FOXN2: variants seen among roughly 807,000 people sequenced by gnomAD.
The protein encoded by FOXN2 is forkhead box N2, also known as forkhead box protein N2.
FOXN2 carries 19 observed loss-of-function variants against 41.2 expected under a neutral mutation model. That is an observed-to-expected ratio of 0.46 (90% CI 0.32 to 0.68). The LOEUF is 0.68. FOXN2 is among the 30% of genes least tolerant of loss of function. FOXN2 has a pLI of 0.03. For synonymous variants in FOXN2, 195 were observed against 176.8 expected (o/e 1.10, Z -0.82); for missense variants, 587 against 509.4 (o/e 1.15, Z -1.47).
intron 6 of FOXN2, among the ~76,000 whole-genome samples, chr2:48,374,495 G>A (rs1461929337): frequency 6.6e-6 from 1 of 152,104 alleles, no homozygotes; most frequent in Admixed American, 6.6e-5. Context: ...AATTTTAAAT[G>A]TATATATCCC....
intron 3 of FOXN2, 49 bp from the exon 4 acceptor site, chr2:48,358,998 A>G (rs368037006): frequency 6.8e-5 from 93 of 1,366,528 alleles, no homozygotes; most frequent in Non-Finnish European, 1.4e-5. Context: ...TTAGACGCTG[A>G]CTGTTTATGT....
At chr2:48,374,056 T>G (rs1673078553) in intron 6 of FOXN2, among the ~76,000 whole-genome samples, 1 of 149,632 alleles carries the variant, frequency 6.7e-6, no homozygotes. Flanking sequence ...AGGGACAGAG[T>G]GAGACTCTGT....
intron 5 of FOXN2, among the ~76,000 whole-genome samples, chr2:48,366,232 G>A (rs548988505): frequency 5.9e-5 from 9 of 152,032 alleles, no homozygotes; most frequent in Admixed American, 5.9e-4. Context: ...GTTGGCACAC[G>A]CCTGTAATTC....
chr2:48,343,533 A>T (rs1211019656), intron 2 of FOXN2, among the ~76,000 whole-genome samples: 1 of 152,168 alleles, frequency 6.6e-6, no homozygotes, highest in East Asian at 1.9e-4. Flanking sequence ...CTGAGGCAGG[A>T]GGATTGCTTG....
At chr2:48,350,011 G>C (rs936684878) in intron 3 of FOXN2, among the ~76,000 whole-genome samples, 1 of 152,210 alleles carries the variant, frequency 6.6e-6, no homozygotes, top group African/African-American at 2.4e-5. Flanking sequence ...GCCTCCATCT[G>C]GTGCTCCAGA....
chr2:48,325,552 G>A (rs1034243610), intron 1 of FOXN2, among the ~76,000 whole-genome samples: 2 of 152,106 alleles, frequency 1.3e-5, no homozygotes, highest in Non-Finnish European at 2.9e-5. Context: ...TTGAATTTCA[G>A]TTTTGATTAG....
At chr2:48,347,469 C>T (rs1671184902) in intron 3 of FOXN2, among the ~76,000 whole-genome samples, 1 of 151,818 alleles carries the variant, frequency 6.6e-6, no homozygotes, top group South Asian at 2.1e-4. Context: ...CCTCAAGTAC[C>T]ACCCACCTTG....
At chr2:48,328,836 T>C (rs1669846831) in intron 2 of FOXN2, 134 bp downstream of exon 2, 1 of 152,222 alleles carries the variant, frequency 6.6e-6, no homozygotes, top group Non-Finnish European at 1.5e-5. Context: ...AGATGGGTTT[T>C]CTAAGTCAGA....
chr2:48,359,484 C>T (rs921428741), intron 4 of FOXN2, among the ~76,000 whole-genome samples: 14 of 151,740 alleles, frequency 9.2e-5, no homozygotes, highest in African/African-American at 2.2e-4. Context: ...AGTAGAGACA[C>T]GGTTTCACCA....
intron 5 of FOXN2, among the ~76,000 whole-genome samples, chr2:48,368,614 C>A (rs1672682712): frequency 1.3e-5 from 2 of 152,154 alleles, no homozygotes; most frequent in African/African-American, 4.8e-5. Flanking sequence ...ATCACTTGAA[C>A]CTGGGAGGTG....
At chr2:48,316,229 G>A (rs1177572438) in intron 1 of FOXN2, among the ~76,000 whole-genome samples, 1 of 152,058 alleles carries the variant, frequency 6.6e-6, no homozygotes, top group African/African-American at 2.4e-5. Context: ...GGTGTATACC[G>A]ACGTTTTTTG....
intron 1 of FOXN2, among the ~76,000 whole-genome samples, chr2:48,327,139 CT>C (rs1374787438): frequency 6.6e-6 from 1 of 151,910 alleles, no homozygotes; most frequent in African/African-American, 2.4e-5. Context: ...AATGCCTGTC[CT>C]ACTTGGATAT....
intron 2 of FOXN2, among the ~76,000 whole-genome samples, chr2:48,335,911 C>G (rs1045859192): frequency 1.2e-4 from 18 of 151,792 alleles, no homozygotes; most frequent in African/African-American, 4.4e-4. Flanking sequence ...GCCTATAGTC[C>G]CAGCTCCTCG....
chr2:48,349,021 T>C (rs1671285563), intron 3 of FOXN2, among the ~76,000 whole-genome samples: 1 of 152,216 alleles, frequency 6.6e-6, no homozygotes, highest in Non-Finnish European at 1.5e-5. Flanking sequence ...TGTGAGTCTT[T>C]CTGTGCCTCC....
intron 5 of FOXN2, among the ~76,000 whole-genome samples, chr2:48,367,780 C>T (rs955152509): frequency 1.3e-5 from 2 of 152,152 alleles, no homozygotes; most frequent in South Asian, 4.1e-4. Flanking sequence ...AATCATTTCC[C>T]AACATCAAGG....
At chr2:48,364,779 A>G (rs986326030) in intron 5 of FOXN2, among the ~76,000 whole-genome samples, 1 of 152,272 alleles carries the variant, frequency 6.6e-6, no homozygotes, top group African/African-American at 2.4e-5. Flanking sequence ...AAATAACAAT[A>G]AAATTTCAAG....
At chr2:48,358,341 A>G (rs1671944018) in intron 3 of FOXN2, among the ~76,000 whole-genome samples, 2 of 152,100 alleles carry the variant, frequency 1.3e-5, no homozygotes, top group Admixed American at 6.6e-5. Context: ...TCTTATTTGA[A>G]TCTCATTACA....
chr2:48,363,361 G>C (rs1037045679), intron 5 of FOXN2, among the ~76,000 whole-genome samples: 1 of 151,470 alleles, frequency 6.6e-6, no homozygotes, highest in African/African-American at 2.4e-5. Flanking sequence ...TATTACAAAA[G>C]AGTAAAAATT....
intron 2 of FOXN2, among the ~76,000 whole-genome samples, chr2:48,338,608 T>C (rs1670528393): frequency 6.6e-6 from 1 of 151,968 alleles, no homozygotes; most frequent in South Asian, 2.1e-4. Context: ...ACCGTGCTAG[T>C]CAGGATGGTC....
Sources: gnomAD v4.1 joint callset for allele counts (sites outside exome capture counted in the v4.1 genomes callset) on GRCh38, gnomAD v4.1.1 for gene constraint, MANE v1.5 for transcripts, NCBI Gene and HGNC (gene_info 2026-07-23, HGNC 2026-07-21) for gene names.